Variants in AMOT observed in about 807,000 individuals in gnomAD.
AMOT encodes angiomotin.
In AMOT, 11 loss-of-function variants were observed where a neutral mutation model predicts 67.0. That is an observed-to-expected ratio of 0.16 (90% confidence interval 0.10 to 0.27). AMOT has a LOEUF of 0.27. AMOT is among the 10% of genes least tolerant of loss of function. AMOT has a pLI of 1.00. For missense variants in AMOT, 753 were observed against 852.0 expected, an observed-to-expected ratio of 0.88 and a Z score of 1.45; for synonymous variants, 326 against 321.4, an observed-to-expected ratio of 1.01 and a Z score of -0.15.
intron 5 of AMOT, among the ~76,000 whole-genome samples, chrX:112,811,708 T>C (rs756090159): frequency 2.0e-3 from 226 of 112,151 alleles, no homozygotes; most frequent in Non-Finnish European, 3.4e-3. Context: ...TGAAGAAAAC[T>C]CTTAATTTTG....
At chrX:112,784,571 A>G (rs1016761341) in intron 10 of AMOT, among the ~76,000 whole-genome samples, 2 of 112,077 alleles carry the variant, frequency 1.8e-5, no homozygotes, top group Non-Finnish European at 3.8e-5. Flanking sequence ...TGGGTGACAC[A>G]GCAAGACCCC....
chrX:112,815,991 T>C, intron 4 of AMOT, 114 bp from the exon 5 acceptor site: 1 of 1,016,200 alleles, frequency 9.8e-7, no homozygotes, highest in African/African-American at 1.9e-5. Context: ...ACCTGCAAAA[T>C]GAAGAGCAGG....
chrX:112,804,933 T>C lies in AMOT; in HGVS notation c.1776+14A>G, dbSNP rs763165195. 2 of 783,976 alleles carry C rather than the reference T, an allele frequency of 2.6e-6. No individual in the cohort carries two copies. The highest frequency in any genetic ancestry group is 3.6e-6 in the Non-Finnish European group (2 of 560,344). The allele number at this position is 783,976 out of a possible 1,213,427, so 64.6% of individuals were successfully genotyped here. ...CCCACCCCCAGGCTCATATGCTACC[T>C]GAGGAAACCATACCTCTTCTTCCAG... On this transcript the variant is annotated intron_variant, in intron 8 of 13. Coordinates refer to ENST00000371959, the MANE Select transcript of AMOT (RefSeq NM_001113490.2).
chrX:112,779,236 G>T lies in AMOT; in HGVS notation c.2918C>A (p.Pro973Gln). The stretch of plus-strand genomic sequence containing the variant: ...AGCTGGAACTGGAGCCGGAGCAGCT[G>T]GAGCAACCTGAACAGCAGCAGCAGC... ...AAAAAAVQVA[P>Q]AAPAPVPAPA... Residue 973 changes from proline to glutamine, a missense_variant, in exon 13 of 14, where the codon CCA (proline) becomes CAA (glutamine). Pro to Gln is a moderately conservative substitution (Grantham distance 76). This residue lies in a region of AMOT where 269 missense variants were observed against 300.9 expected (regional missense o/e 0.89). Transcript: ENST00000371959. 1.5e-6 allele frequency: 1 copy of T among 670,317 alleles called. No individual in the cohort carries two copies. The highest frequency in any genetic ancestry group is 2.5e-6 in the Non-Finnish European group (1 of 405,413). 55.2% of individuals were successfully genotyped at this position (670,317 alleles called of 1,213,427 possible).
chrX:112,780,794 T>G lies in AMOT; in HGVS notation c.2473+92A>C, dbSNP rs769815600. 5.5e-5 allele frequency: 53 copies of G among 965,335 alleles called. 1 individual carries two copies. In the Admixed American group the frequency reaches 1.3e-3, roughly 24 times the overall value. 79.6% of individuals were successfully genotyped at this position (965,335 alleles called of 1,213,427 possible). ...CTGGTACACCTTCCTCTCTAGAACC[T>G]GGACCATCATCCCTTTTCCTTAAGC... On this transcript the variant is annotated intron_variant, in intron 12 of 13. Coordinates refer to ENST00000371959, the MANE Select transcript of AMOT (RefSeq NM_001113490.2).
chrX:112,827,795 C>A (rs1009723204), intron 2 of AMOT, among the ~76,000 whole-genome samples: 2 of 111,310 alleles, frequency 1.8e-5, no homozygotes, highest in Non-Finnish European at 3.8e-5. Flanking sequence ...GACCAAACTC[C>A]CACCCTTCAA....
At chrX:112,830,602 G>C (rs781140071) in intron 2 of AMOT, among the ~76,000 whole-genome samples, 1 of 111,953 alleles carries the variant, frequency 8.9e-6, no homozygotes, top group African/African-American at 3.2e-5. Context: ...AAATTCTCCC[G>C]CTCTCATTTT....
At chrX:112,805,380 CA>C (rs2147802607) in intron 7 of AMOT, among the ~76,000 whole-genome samples, 1 of 79,647 alleles carries the variant, frequency 1.3e-5, no homozygotes, top group South Asian at 5.9e-4. Flanking sequence ...TACACACACA[CA>C]CACACACACA....
chrX:112,779,090 C>G lies in AMOT; in HGVS notation c.3064G>C (p.Val1022Leu), dbSNP rs773385598. Residue 1022 changes from valine to leucine, a missense_variant, in exon 13 of 14, where the codon GTG becomes CTG. Around this residue, in one of 5 missense-constraint regions of AMOT, gnomAD observed 269 missense variants for 300.9 expected, o/e 0.89. Coordinates refer to ENST00000371959, the MANE Select transcript of AMOT (RefSeq NM_001113490.2). ...PTPAPTPTPA[V>L]AQAEVPASPA... The stretch of plus-strand genomic sequence containing the variant: ...CTTGCAGGAACCTCAGCCTGAGCCA[C>G]AGCTGGAGTTGGAGTTGGAGCTGGA... 2.2e-4 allele frequency: 266 copies of G among 1,198,916 alleles called. No homozygotes were observed. Among genetic ancestry groups the G allele is most frequent in the Non-Finnish European group, 2.9e-4 (258 of 884,887 alleles).
At chrX:112,818,027 G>A (rs987834896) in intron 4 of AMOT, among the ~76,000 whole-genome samples, 60 of 111,307 alleles carry the variant, frequency 5.4e-4, no homozygotes, top group African/African-American at 1.8e-3. Flanking sequence ...GGGCTTGTGT[G>A]TCTCTTTTCT....
At position 112,778,467 on chromosome X, in the gene AMOT, C is replaced by T. The variant is rs953310149; in HGVS notation, c.*100G>A. ...AAGTCCTGTTAAAAAACATCCCCTC[C>T]CCACAACCCTTGTCCTCACCCTCAA... is the stretch of plus-strand genomic sequence containing the variant. On this transcript the variant is annotated 3_prime_UTR_variant, in exon 14 of 14. Transcript: ENST00000371959. 2.6e-6 allele frequency: 2 copies of T among 767,028 alleles called. No individual in the cohort carries two copies. Among genetic ancestry groups the T allele is most frequent in the Non-Finnish European group, 3.8e-6 (2 of 528,778 alleles). 63.2% of individuals were successfully genotyped at this position (767,028 alleles called of 1,213,427 possible). A position where few individuals can be genotyped will look rare whatever the true frequency, so the allele number is the denominator to read the frequency against.
chrX:112,807,521 T>C (rs753469967), intron 7 of AMOT, among the ~76,000 whole-genome samples: 1 of 106,336 alleles, frequency 9.4e-6, no homozygotes, highest in South Asian at 4.3e-4. Context: ...TTAAAACAAA[T>C]ATGATTCATA....
intron 7 of AMOT, 116 bp downstream of exon 7, chrX:112,809,778 G>T: frequency 1.7e-6 from 1 of 574,137 alleles, no homozygotes; most frequent in Admixed American, 2.7e-5. Flanking sequence ...ACAATCCTTA[G>T]GTGATATTGA....
intron 11 of AMOT, among the ~76,000 whole-genome samples, chrX:112,782,184 C>T (rs1189014797): frequency 4.5e-5 from 5 of 112,048 alleles, no homozygotes; most frequent in Admixed American, 2.8e-4. Flanking sequence ...CCATTGTGCC[C>T]GGCCGAGCAG....
intron 2 of AMOT, among the ~76,000 whole-genome samples, chrX:112,825,648 G>C (rs975577073): frequency 9.0e-6 from 1 of 110,821 alleles, no homozygotes; most frequent in African/African-American, 3.3e-5. Flanking sequence ...GTCATCATAA[G>C]GTAGGTTTTT....
chrX:112,785,224 T>C (rs1184054380), intron 10 of AMOT, among the ~76,000 whole-genome samples: 1 of 112,412 alleles, frequency 8.9e-6, no homozygotes, highest in Non-Finnish European at 1.9e-5. Context: ...ATTCCTGATG[T>C]TGACAACCTC....
In AMOT at chrX:112,779,375, G is replaced by GGGCAGCAGCAGCAGCTGGAGC. The variant is rs1556171847; in HGVS notation, c.2758_2778dup (p.Ala920_Ala926dup). On this transcript the variant is annotated inframe_insertion, in exon 13 of 14. Transcript: ENST00000371959. The stretch of plus-strand genomic sequence containing the variant: ...GTAGCAGCGGCAGTGGCTGGAGACG[G>GGGCAGCAGCAGCAGCTGGAGC]GGCAGCAGCAGCAGCTGGAGCAGCA... 1.3e-5 allele frequency: 13 copies of GGGCAGCAGCAGCAGCTGGAGC among 1,007,470 alleles called. No individual in the cohort carries two copies. The highest frequency in any genetic ancestry group is 2.0e-5 in the South Asian group (1 of 49,723). The allele number at this position is 1,007,470 out of a possible 1,213,427, so 83.0% of individuals were successfully genotyped here.
intron 3 of AMOT, 49 bp from the exon 4 acceptor site, chrX:112,823,237 G>C: frequency 1.3e-6 from 1 of 772,331 alleles, no homozygotes; most frequent in Non-Finnish European, 1.8e-6. Flanking sequence ...GGATAAATCA[G>C]TCCTCTAAAG....
At chrX:112,806,494 A>C (rs1934195975) in intron 7 of AMOT, among the ~76,000 whole-genome samples, 1 of 109,015 alleles carries the variant, frequency 9.2e-6, no homozygotes, top group African/African-American at 3.3e-5. Context: ...GTGGGCAGAT[A>C]ATGGTCTTTC....
Sources: gnomAD v4.1 joint callset for allele counts (sites outside exome capture counted in the v4.1 genomes callset) on GRCh38, gnomAD v4.1.1 for gene constraint, gnomAD v4.1.1 regional missense constraint, MANE v1.5 for transcripts, NCBI Gene and HGNC (gene_info 2026-07-23, HGNC 2026-07-21) for gene names.